The following RNF135 variants were observed in gnomAD, a reference collection of about 807,000 sequenced individuals.
RNF135 encodes the protein E3 ubiquitin-protein ligase RNF135.
A neutral mutation model predicts 41.9 loss-of-function variants in RNF135; 46 were observed. That is an observed-to-expected ratio of 1.10 (90% CI 0.87 to 1.40). RNF135 has a LOEUF of 1.40. RNF135 is among the 40% of genes most tolerant of loss of function. The pLI, the probability that RNF135 is intolerant of heterozygous loss-of-function variation, is 0.00. For missense variants in RNF135, 539 were observed against 549.8 expected, an observed-to-expected ratio of 0.98 and a Z score of 0.20; for synonymous variants, 238 against 223.8, an observed-to-expected ratio of 1.06 and a Z score of -0.57.
At chr17:30,987,172 A>G (rs114483767) in intron 2 of RNF135, among the ~76,000 whole-genome samples, 1,627 of 152,180 alleles carry the variant, frequency 0.011, 30 homozygotes, top group African/African-American at 0.034. Context: ...GATGCAGGCA[A>G]TTTGAGAGGG....
At chr17:30,970,902 T>C, upstream of RNF135, 1 of 934,240 alleles carries the variant, frequency 1.1e-6, no homozygotes, top group Non-Finnish European at 1.6e-6. Context: ...CTGGAGGCTC[T>C]AAGTCTGTTT....
At chr17:30,966,401 T>A (rs1187105770), upstream of RNF135, among the ~76,000 whole-genome samples, 2 of 134,658 alleles carry the variant, frequency 1.5e-5, no homozygotes, top group South Asian at 2.1e-4. Flanking sequence ...TTATTATTTT[T>A]TTATTTTATT....
At chr17:30,970,835 G>T, upstream of RNF135, 1 of 583,882 alleles carries the variant, frequency 1.7e-6, no homozygotes, top group Non-Finnish European at 3.0e-6. Flanking sequence ...GCGGCATGTT[G>T]GTTTCCCAGG....
the RNF135 span, among the ~76,000 whole-genome samples, chr17:30,963,132 A>G: frequency 9.4e-6 from 1 of 106,408 alleles, no homozygotes; most frequent in African/African-American, 3.8e-5. Context: ...TGGTCTTGCT[A>G]TGTTGCCCAG....
chr17:30,984,901 G>A (rs1302060689), intron 2 of RNF135, 141 bp downstream of exon 2: 14 of 1,027,448 alleles, frequency 1.4e-5, no homozygotes, highest in Middle Eastern at 2.9e-4. Context: ...ACCAGACATG[G>A]ATGATTGGAC....
chr17:30,979,342 A>G (rs1906778454), intron 1 of RNF135: 1 of 107,482 alleles, frequency 9.3e-6, no homozygotes, highest in Non-Finnish European at 1.9e-5. Flanking sequence ...CCTCCTGGAT[A>G]GGGCGGCTGG....
chr17:30,970,780 C>A (rs963515569), upstream of RNF135: 5 of 502,368 alleles, frequency 1.0e-5, no homozygotes, highest in Non-Finnish European at 1.8e-5. Flanking sequence ...GAGGGACATC[C>A]AGCTAAAGGG....
rs750371560 is a variant in RNF135 at position 30,998,719 on chromosome 17, A to G, written c.827A>G (p.Lys276Arg). The G allele has an allele frequency of 4.7e-5, 76 of 1,613,784 alleles. No homozygotes were observed. The South Asian group carries it at 7.0e-4, about 15-fold the overall frequency. The change falls in exon 5 of 5, where the codon AAG becomes AGG. Residue 276 changes from lysine to arginine, a missense_variant. Physicochemically the swap from Lys to Arg is conservative, Grantham distance 26 (BLOSUM62 2). Coordinates refer to ENST00000328381, the MANE Select transcript of RNF135 (RefSeq NM_032322.4). ...KSLSCSLEVS[K>R]DSRTVTVSHR... ...CTTTCCTGCAGCCTGGAGGTGTCCA[A>G]GGATTCCCGTACAGTGACTGTGTCT...
chr17:30,987,579 GT>G, intron 2 of RNF135, among the ~76,000 whole-genome samples: 1 of 152,250 alleles, frequency 6.6e-6, no homozygotes, highest in Non-Finnish European at 1.5e-5. Flanking sequence ...ACTATCTGTA[GT>G]ATTTATTTTA....
At chr17:30,979,967 C>T (rs1906922395) in intron 1 of RNF135, among the ~76,000 whole-genome samples, 2 of 103,990 alleles carry the variant, frequency 1.9e-5, no homozygotes, top group Non-Finnish European at 2.0e-5. Flanking sequence ...CCGGACGGGG[C>T]GGCTGGCCAG....
chr17:30,963,386 T>A, the RNF135 span, among the ~76,000 whole-genome samples: 1 of 151,840 alleles, frequency 6.6e-6, no homozygotes, highest in African/African-American at 2.4e-5. Context: ...ATCGAGACCA[T>A]CCTGGCTAAC....
rs1908593781 is a variant in RNF135 at position 30,999,451 on chromosome 17, A to T, written c.*260A>T. 2 of 486,188 alleles carry T rather than the reference A, an allele frequency of 4.1e-6. No individual in the cohort carries two copies. The highest frequency in any genetic ancestry group is 7.5e-6 in the Non-Finnish European group (2 of 265,522). 30.1% of individuals were successfully genotyped at this position (486,188 alleles called of 1,614,324 possible). ...TTTGAAGTTAATCCTTTTGTGTGAT[A>T]CAGGATGAACTTGGGATGTTTGAAC... On this transcript the variant is annotated 3_prime_UTR_variant, in exon 5 of 5. Coordinates refer to ENST00000328381, the MANE Select transcript of RNF135 (RefSeq NM_032322.4).
chr17:30,988,867 G>A (rs1162817962), intron 3 of RNF135, among the ~76,000 whole-genome samples: 4 of 146,586 alleles, frequency 2.7e-5, no homozygotes, highest in East Asian at 2.0e-4. Context: ...AATTACAGGC[G>A]TGCGCCACCA....
intron 1 of RNF135, among the ~76,000 whole-genome samples, chr17:30,983,340 TATA>T (rs1907323561): frequency 3.6e-4 from 12 of 33,014 alleles, no homozygotes; most frequent in African/African-American, 4.7e-4. Context: ...TATATATATA[TATA>T]TATATATATA....
chr17:30,996,406 AG>A (rs1474088206), intron 3 of RNF135, among the ~76,000 whole-genome samples: 1 of 152,154 alleles, frequency 6.6e-6, no homozygotes, highest in African/African-American at 2.4e-5. Context: ...TTACTTTTTA[AG>A]GCTAAATAAT....
At chr17:30,991,934 AT>A (rs369208967) in intron 3 of RNF135, among the ~76,000 whole-genome samples, 210 of 140,068 alleles carry the variant, frequency 1.5e-3, no homozygotes, top group East Asian at 2.1e-3. Context: ...AATTTATGTA[AT>A]TTTTTTTTTT....
chr17:30,983,353 A>ATATATATATATATTTT (rs1420453160), intron 1 of RNF135, among the ~76,000 whole-genome samples: 13 of 35,724 alleles, frequency 3.6e-4, no homozygotes, highest in Admixed American at 1.5e-3. Flanking sequence ...ATATATATAT[A>ATATATATATATATTTT]TTTTTTTTTT....
At chr17:30,992,081 G>A (rs1312888130) in intron 3 of RNF135, among the ~76,000 whole-genome samples, 1 of 151,668 alleles carries the variant, frequency 6.6e-6, no homozygotes, top group Admixed American at 6.6e-5. Context: ...ACAAGCCTGT[G>A]CCACCACACC....
At chr17:30,986,825 A>T (rs1907622164) in intron 2 of RNF135, among the ~76,000 whole-genome samples, 1 of 152,202 alleles carries the variant, frequency 6.6e-6, no homozygotes, top group South Asian at 2.1e-4. Context: ...GCAATGTTAA[A>T]ATGTGGGATG....
Sources: gnomAD v4.1 joint callset for allele counts (sites outside exome capture counted in the v4.1 genomes callset) on GRCh38, gnomAD v4.1.1 for gene constraint, MANE v1.5 for transcripts, NCBI Gene and HGNC (gene_info 2026-07-23, HGNC 2026-07-21) for gene names.